The following MED13 variants were observed in gnomAD, a reference collection of about 807,000 sequenced individuals.
MED13 encodes the protein mediator of RNA polymerase II transcription subunit 13.
A neutral mutation model predicts 225.2 loss-of-function variants in MED13; 23 were observed. The ratio of observed to expected loss-of-function variants is 0.10; its 90% CI spans 0.07 to 0.14. The LOEUF is 0.14. MED13 is among the 10% of genes least tolerant of loss of function. The probability of loss-of-function intolerance (pLI) is 1.00; values close to 1 mark genes in which losing one functional copy is unlikely to be tolerated. For synonymous variants in MED13, 942 were observed against 889.2 expected (o/e 1.06, Z -1.06); for missense variants, 2,197 against 2,594.5 (o/e 0.85, Z 3.33).
chr17:62,038,831 T>A (rs1603407048), intron 3 of MED13, among the ~76,000 whole-genome samples: 1 of 127,714 alleles, frequency 7.8e-6, no homozygotes, highest in African/African-American at 5.0e-5. Context: ...ACCCAGCTAA[T>A]TTTTTTTTTC....
intron 15 of MED13, among the ~76,000 whole-genome samples, chr17:61,983,731 C>CT (rs57772316): frequency 0.12 from 17,129 of 138,448 alleles, 1,228 homozygotes; most frequent in South Asian, 0.33. Context: ...CCCAATTAAC[C>CT]TTTTTTTTTT....
intron 2 of MED13, among the ~76,000 whole-genome samples, chr17:62,062,615 C>A (rs1408279579): frequency 1.3e-5 from 2 of 151,620 alleles, no homozygotes; most frequent in East Asian, 3.9e-4. Flanking sequence ...CACACACACA[C>A]ACACACACAC....
At chr17:62,043,873 A>G (rs2080876330) in intron 3 of MED13, among the ~76,000 whole-genome samples, 1 of 152,046 alleles carries the variant, frequency 6.6e-6, no homozygotes, top group Admixed American at 6.6e-5. Context: ...GTTTTTTTTT[A>G]GCTTTTTAAA....
rs2080048458 is a variant in MED13 at position 61,965,414 on chromosome 17, A to G, written c.4436T>C (p.Leu1479Ser). The change falls in exon 20 of 30, where the codon TTA (leucine) becomes TCA (serine). Residue 1479 changes from leucine to serine, a missense_variant. Physicochemically the swap from Leu to Ser is moderately radical, Grantham distance 145. Transcript: ENST00000397786. The stretch of plus-strand genomic sequence containing the variant: ...CAAAGACTGACTTGTAGGGGCAACT[A>G]AATTTGGCTGGGAAAGTAGAGAGCT... ...LDSSLLSQPNLVAPTSQSLIT... is the reference protein window; with the variant it reads ...LDSSLLSQPNSVAPTSQSLIT... 6.2e-7 allele frequency: 1 copy of G among 1,614,204 alleles called. No individual in the cohort carries two copies. Among genetic ancestry groups the G allele is most frequent in the Non-Finnish European group, 8.5e-7 (1 of 1,180,016 alleles).
intron 9 of MED13, among the ~76,000 whole-genome samples, chr17:62,000,696 T>G (rs1178401349): frequency 6.6e-6 from 1 of 152,208 alleles, no homozygotes; most frequent in African/African-American, 2.4e-5. Flanking sequence ...ATGCCATTAT[T>G]ATTTAGCCAG....
intron 3 of MED13, among the ~76,000 whole-genome samples, chr17:62,051,233 T>A (rs1373347555): frequency 2.6e-5 from 4 of 152,194 alleles, no homozygotes; most frequent in African/African-American, 4.8e-5. Flanking sequence ...ACTTTCTGAC[T>A]CAGGTGCCAC....
chr17:61,942,938 C>T lies in MED13; in HGVS notation c.*3530G>A, dbSNP rs2079825812. Reference sequence around the variant, plus strand: ...CTCAATAACTTTAAGGTCCACATATCCAGTTTACTTTGAAAACTAAAGATG... The same window carrying T: ...CTCAATAACTTTAAGGTCCACATATTCAGTTTACTTTGAAAACTAAAGATG... On this transcript the variant is annotated 3_prime_UTR_variant, in exon 30 of 30. Coordinates refer to ENST00000397786, the MANE Select transcript of MED13 (RefSeq NM_005121.3). 6.6e-6 allele frequency: 1 copy of T among 152,486 alleles called. No homozygotes were observed. Among genetic ancestry groups the T allele is most frequent in the African/African-American group, 2.4e-5 (1 of 41,420 alleles). The allele number at this position is 152,486 out of a possible 1,614,324, so 9.4% of individuals were successfully genotyped here.
chr17:61,964,492 G>A (rs1296990549), intron 20 of MED13, among the ~76,000 whole-genome samples: 2 of 152,216 alleles, frequency 1.3e-5, no homozygotes, highest in African/African-American at 4.8e-5. Flanking sequence ...CTGAGCCCAG[G>A]AGGTCGAGGC....
chr17:61,968,196 A>C lies in MED13; in HGVS notation c.4030T>G (p.Tyr1344Asp). The C allele has an allele frequency of 1.2e-6, 2 of 1,614,118 alleles. No individual in the cohort carries two copies. The highest frequency in any genetic ancestry group is 1.7e-6 in the Non-Finnish European group (2 of 1,179,978). ...AGAGCAAATGGAGAAAGCACCAGATAATCATAATCATAACCCAACAAAAAT... is the reference window on the plus strand; with the variant it reads ...AGAGCAAATGGAGAAAGCACCAGATCATCATAATCATAACCCAACAAAAAT... ...PTFLLGYDYD[Y>D]LVLSPFALPY... Residue 1344 changes from tyrosine (Y) to aspartate (D), a missense_variant, in exon 18 of 30, where the codon TAT becomes GAT. Physicochemically the swap from Tyr to Asp is radical, Grantham distance 160 (BLOSUM62 -3). This residue lies in a region of MED13 where 47 missense variants were observed against 93.8 expected (regional missense o/e 0.50). Transcript: ENST00000397786.
intron 8 of MED13, among the ~76,000 whole-genome samples, chr17:62,026,494 A>C (rs1348782650): frequency 1.3e-5 from 2 of 151,538 alleles, no homozygotes; most frequent in Non-Finnish European, 2.9e-5. Context: ...AAAAAAAAAA[A>C]AGACTGTAGC....
intron 2 of MED13, among the ~76,000 whole-genome samples, chr17:62,059,929 A>G (rs1302207177): frequency 6.6e-6 from 1 of 152,204 alleles, no homozygotes; most frequent in African/African-American, 2.4e-5. Flanking sequence ...GGAACAATAA[A>G]TATGATCATA....
chr17:62,065,266 C>T lies in MED13; in HGVS notation c.-61G>A. On this transcript the variant is annotated 5_prime_UTR_variant, in exon 1 of 30. Transcript: ENST00000397786. ...CACCATCCGCCATTACCGCCGCCTCCGACCAGAGAGAGAAACACAGACACC... is the reference window on the plus strand; with the variant it reads ...CACCATCCGCCATTACCGCCGCCTCTGACCAGAGAGAGAAACACAGACACC... The T allele has an allele frequency of 7.5e-7, 1 of 1,338,924 alleles. No individual in the cohort carries two copies. The highest frequency in any genetic ancestry group is 1.0e-6 in the Non-Finnish European group (1 of 978,890). The allele number at this position is 1,338,924 out of a possible 1,614,324, so 82.9% of individuals were successfully genotyped here.
intron 8 of MED13, among the ~76,000 whole-genome samples, chr17:62,029,043 C>T (rs550085268): frequency 1.3e-5 from 2 of 151,982 alleles, no homozygotes; most frequent in South Asian, 4.2e-4. Context: ...TGCCTATAAC[C>T]CTAGCTACTT....
At chr17:61,961,881 C>A in intron 21 of MED13, 102 bp from the exon 22 acceptor site, 1 of 1,078,714 alleles carries the variant, frequency 9.3e-7, no homozygotes, top group East Asian at 2.4e-5. Context: ...AAAATTTACA[C>A]AAAACCTAAT....
At chr17:61,993,758 C>G (rs181919184) in intron 10 of MED13, among the ~76,000 whole-genome samples, 63 of 151,774 alleles carry the variant, frequency 4.2e-4, no homozygotes, top group Non-Finnish European at 7.4e-4. Flanking sequence ...GGAGAAATCT[C>G]GTCTCTACTG....
At chr17:62,062,580 C>A (rs1053923465) in intron 2 of MED13, among the ~76,000 whole-genome samples, 39 of 110,780 alleles carry the variant, frequency 3.5e-4, no homozygotes, top group Admixed American at 1.1e-3. Flanking sequence ...TGCCTTAAAA[C>A]ACACACACAC....
chr17:61,961,925 AT>A, intron 21 of MED13, 146 bp from the exon 22 acceptor site: 1 of 788,494 alleles, frequency 1.3e-6, no homozygotes, highest in African/African-American at 1.8e-5. Context: ...TTTCTTATCT[AT>A]TATGTAGGCT....
At chr17:62,052,135 T>C (rs1043503400) in intron 3 of MED13, among the ~76,000 whole-genome samples, 5 of 152,194 alleles carry the variant, frequency 3.3e-5, no homozygotes, top group African/African-American at 1.2e-4. Flanking sequence ...AAGGGTTAAC[T>C]TGATCCAAAA....
In MED13 at chr17:61,995,217, C is replaced by T; in HGVS notation, c.2116G>A (p.Glu706Lys). The change falls in exon 10 of 30, where the codon GAA (glutamate) becomes AAA (lysine). Residue 706 changes from glutamate to lysine, a missense_variant. Glu to Lys is a moderately conservative substitution (Grantham distance 56, BLOSUM62 1). Around this residue, in one of 12 missense-constraint regions of MED13, gnomAD observed 884 missense variants for 918.5 expected, o/e 0.96. Coordinates refer to ENST00000397786, the MANE Select transcript of MED13 (RefSeq NM_005121.3). The stretch of plus-strand genomic sequence containing the variant: ...TCTTTTTTATCAGGAAAAAGGAATT[C>T]CTCATCTCCTTCAACAAATGCATAT... ...DPYAFVEGDE[E>K]FLFPDKKDRQ... 1.2e-6 allele frequency: 2 copies of T among 1,613,758 alleles called. No homozygotes were observed. Among genetic ancestry groups the T allele is most frequent in the Non-Finnish European group, 1.7e-6 (2 of 1,179,886 alleles).
Sources: gnomAD v4.1 joint callset for allele counts (sites outside exome capture counted in the v4.1 genomes callset) on GRCh38, gnomAD v4.1.1 for gene constraint, gnomAD v4.1.1 regional missense constraint, MANE v1.5 for transcripts, NCBI Gene and HGNC (gene_info 2026-07-23, HGNC 2026-07-21) for gene names.